Variants in USP49 observed in about 807,000 individuals in gnomAD.
USP49 encodes ubiquitin specific peptidase 49, also known as ubiquitin carboxyl-terminal hydrolase 49.
In USP49, 24 loss-of-function variants were observed where a neutral mutation model predicts 58.6. The ratio of observed to expected loss-of-function variants is 0.41; its 90% CI spans 0.30 to 0.58. The LOEUF is 0.58. Among genes scored for constraint, USP49 ranks in the 20% least tolerant of loss-of-function variants. The pLI is 0.30. For synonymous variants in USP49, 408 were observed against 365.1 expected, an observed-to-expected ratio of 1.12 and a Z score of -1.34; for missense variants, 703 against 866.1, an observed-to-expected ratio of 0.81 and a Z score of 2.36.
intron 7 of USP49, 117 bp from the exon 8 acceptor site, chr6:41,796,840 G>A (rs1423739772): frequency 2.1e-5 from 13 of 617,810 alleles, no homozygotes; most frequent in Non-Finnish European, 3.2e-5. Context: ...GCCAACCCTC[G>A]ATTATTGGTG....
At chr6:41,825,493 A>G (rs1773523111) in intron 3 of USP49, among the ~76,000 whole-genome samples, 2 of 152,074 alleles carry the variant, frequency 1.3e-5, no homozygotes, top group Admixed American at 1.3e-4. Context: ...TGACCTCATA[A>G]TTTTTTCCAG....
rs112153961 is a variant in USP49 at position 41,824,457 on chromosome 6, T to A, written c.-28-17446A>T. ...CGGGCACAGTGGCTTATGCCTGTAA[T>A]CTCAGCACTTTGGGAGGCCGAGGCG... On this transcript the variant is annotated intron_variant, in intron 3 of 7. Transcript: ENST00000682992. Among the ~76,000 whole-genome samples, 7 of 149,986 alleles carry A rather than the reference T, an allele frequency of 4.7e-5. 1 individual carries two copies. Among genetic ancestry groups the A allele is most frequent in the African/African-American group, 1.7e-4 (7 of 40,938 alleles).
At chr6:41,892,821 T>G (rs1384191471) in intron 1 of USP49, among the ~76,000 whole-genome samples, 1 of 152,326 alleles carries the variant, frequency 6.6e-6, no homozygotes, top group East Asian at 1.9e-4. Context: ...TTCTCAACAA[T>G]TGTTTGAATT....
rs1772811888 is a variant in USP49 at position 41,792,337 on chromosome 6, G to A, written c.*4196C>T. 1 of 152,092 alleles carries A rather than the reference G, an allele frequency of 6.6e-6. No individual in the cohort carries two copies. Among genetic ancestry groups the A allele is most frequent in the Non-Finnish European group, 1.5e-5 (1 of 68,040 alleles). The allele number at this position is 152,092 out of a possible 1,614,324, so 9.4% of individuals were successfully genotyped here. ...CAAAAGAACATCAGAACCAATGAAG[G>A]TACCATTTCAGGAGGAATCATTTTT... On this transcript the variant is annotated 3_prime_UTR_variant, in exon 8 of 8. Transcript: ENST00000682992.
intron 6 of USP49, among the ~76,000 whole-genome samples, 153 bp from the exon 7 acceptor site, chr6:41,799,082 A>C (rs1581988067): frequency 1.7e-5 from 1 of 60,030 alleles, no homozygotes; most frequent in East Asian, 7.2e-4. Context: ...GTTCACACTT[A>C]TTTATTTATT....
intron 5 of USP49, among the ~76,000 whole-genome samples, chr6:41,802,417 A>ATTTTATT (rs1773020453): frequency 2.1e-5 from 2 of 97,166 alleles, no homozygotes; most frequent in African/African-American, 7.2e-5. Context: ...TTTTTATTTT[A>ATTTTATT]TTTTATTTTA....
intron 3 of USP49, among the ~76,000 whole-genome samples, chr6:41,808,505 G>A (rs1460183172): frequency 6.6e-6 from 1 of 150,652 alleles, no homozygotes; most frequent in Non-Finnish European, 1.5e-5. Context: ...CACCTCCCGG[G>A]TTCAAGCGAT....
At chr6:41,881,701 T>C (rs1774611895) in intron 2 of USP49, among the ~76,000 whole-genome samples, 1 of 152,128 alleles carries the variant, frequency 6.6e-6, no homozygotes, top group Non-Finnish European at 1.5e-5. Context: ...AAAAGAAGAA[T>C]GTTTAACATA....
At chr6:41,843,276 A>C (rs1369498034) in intron 3 of USP49, among the ~76,000 whole-genome samples, 1 of 152,188 alleles carries the variant, frequency 6.6e-6, no homozygotes, top group East Asian at 1.9e-4. Context: ...TACATATTTC[A>C]TCTTTGCATC....
chr6:41,853,862 G>A (rs1053996640), intron 3 of USP49, among the ~76,000 whole-genome samples: 7 of 151,850 alleles, frequency 4.6e-5, no homozygotes, highest in Non-Finnish European at 8.8e-5. Flanking sequence ...AGCCAGGCAA[G>A]GTGGTGCATG....
chr6:41,805,523 G>T, intron 4 of USP49, 105 bp downstream of exon 4: 1 of 1,260,458 alleles, frequency 7.9e-7, no homozygotes, highest in Non-Finnish European at 1.1e-6. Flanking sequence ...CATAATCACA[G>T]CAAATGTGGG....
chr6:41,813,350 A>T (rs992442721), intron 3 of USP49, among the ~76,000 whole-genome samples: 3 of 152,216 alleles, frequency 2.0e-5, no homozygotes, highest in African/African-American at 7.2e-5. Context: ...TTATCATATG[A>T]AATACAGCAG....
chr6:41,838,395 C>G (rs779969859), intron 3 of USP49, among the ~76,000 whole-genome samples: 10 of 152,210 alleles, frequency 6.6e-5, no homozygotes, highest in Non-Finnish European at 1.2e-4. Context: ...TCCACCAGAG[C>G]AGGTGCTATT....
chr6:41,853,275 C>T (rs1024232308), intron 3 of USP49, among the ~76,000 whole-genome samples: 2 of 152,010 alleles, frequency 1.3e-5, no homozygotes, highest in African/African-American at 4.8e-5. Flanking sequence ...ATATGCCCAT[C>T]GGAAAAAGAC....
chr6:41,856,073 T>C (rs1353462568), intron 3 of USP49, among the ~76,000 whole-genome samples: 3 of 148,320 alleles, frequency 2.0e-5, no homozygotes, highest in Non-Finnish European at 3.0e-5. Context: ...AATTAATAAA[T>C]AAAAGCATGT....
At chr6:41,850,451 GAA>G (rs1254330716) in intron 3 of USP49, among the ~76,000 whole-genome samples, 1 of 128,226 alleles carries the variant, frequency 7.8e-6, no homozygotes. Flanking sequence ...TCTAAGGAAA[GAA>G]AAAAAAAAAA....
chr6:41,806,300 G>A lies in USP49; in HGVS notation c.684C>T (p.Ala228=), dbSNP rs767008188. 1 of 1,588,120 alleles carries A rather than the reference G, an allele frequency of 6.3e-7. No homozygotes were observed. The highest frequency in any genetic ancestry group is 8.5e-7 in the Non-Finnish European group (1 of 1,172,682). ...CGGGCACTCTGCGTGAGGTAGGGAG[G>A]GCGGCGGGGCGCGAGGCAGCCGGGC... ...DAGPAASRPA[A]LPTSRRVPAA... The change falls in exon 4 of 8, where the codon GCC becomes GCT. Residue 228 remains alanine, a synonymous_variant. Transcript: ENST00000682992. This position sits in a 1 kb window ranked among gnomAD's most constrained non-coding sequence, Gnocchi z 5.9.
In USP49 at chr6:41,884,460, T is replaced by C. The variant is rs146367132; in HGVS notation, c.-103+7334A>G. On this transcript the variant is annotated intron_variant, in intron 2 of 7. Transcript: ENST00000682992. ...TAATGAGCAATTTTTTAATTAAAAA[T>C]ACATACACCAAAAGAATCAGTAAGT... Among the ~76,000 whole-genome samples the C allele has an allele frequency of 2.5e-3, 379 of 152,308 alleles. 3 individuals are homozygous for C. The highest frequency in any genetic ancestry group is 8.6e-3 in the African/African-American group (359 of 41,554).
chr6:41,856,324 G>T (rs553793767), intron 3 of USP49, among the ~76,000 whole-genome samples: 1 of 151,262 alleles, frequency 6.6e-6, no homozygotes, highest in Non-Finnish European at 1.5e-5. Flanking sequence ...GCAGTGAGCC[G>T]AGATGGCGCC....
Sources: gnomAD v4.1 joint callset for allele counts (sites outside exome capture counted in the v4.1 genomes callset) on GRCh38, gnomAD v4.1.1 for gene constraint, Gnocchi (gnomAD v3.1) non-coding constraint, MANE v1.5 for transcripts, NCBI Gene and HGNC (gene_info 2026-07-23, HGNC 2026-07-21) for gene names.